Variants in PLA2G4E observed in about 807,000 individuals in gnomAD.
PLA2G4E encodes phospholipase A2 group IVE.
Under a neutral mutation model 109.1 loss-of-function variants are expected in PLA2G4E, and 84 were observed. The observed-to-expected ratio is 0.77, with a 90% CI of 0.65 to 0.92. The LOEUF is 0.92. PLA2G4E is among the 40% of genes least tolerant of loss of function. The pLI, the probability that PLA2G4E is intolerant of heterozygous loss-of-function variation, is 0.00. For missense variants in PLA2G4E, 1,057 were observed against 1,076.6 expected (o/e 0.98, Z 0.25); for synonymous variants, 469 against 436.1 (o/e 1.08, Z -0.94).
chr15:41,981,760 A>G (rs917196248), exon 20 of PLA2G4E: 1 of 152,268 alleles, frequency 6.6e-6, no homozygotes, highest in Non-Finnish European at 1.5e-5. Context: ...GTCAGAAAGA[A>G]AAGATGTCAA....
In PLA2G4E at chr15:41,984,417, G is replaced by T; in HGVS notation, c.2386+19C>A. 1 of 1,602,124 alleles carries T rather than the reference G, an allele frequency of 6.2e-7. No homozygotes were observed. The highest frequency in any genetic ancestry group is 1.3e-5 in the African/African-American group (1 of 74,910). On this transcript the variant is annotated intron_variant, in intron 19 of 19. Transcript: ENST00000399518. ...CCAAGGGCAGCAGGTGCTGGGAACT[G>T]AGCACAGAGGCAGCTCACCTGGTGC... is the stretch of plus-strand genomic sequence containing the variant.
intron 1 of PLA2G4E, among the ~76,000 whole-genome samples, chr15:42,021,561 AAG>A (rs1293694035): frequency 1.3e-5 from 2 of 152,068 alleles, no homozygotes; most frequent in African/African-American, 4.8e-5. Context: ...AGGGTGAAGA[AAG>A]AAAATAATTG....
chr15:42,029,342 C>T (rs1889075977), intron 1 of PLA2G4E, among the ~76,000 whole-genome samples: 1 of 152,178 alleles, frequency 6.6e-6, no homozygotes, highest in Non-Finnish European at 1.5e-5. Context: ...GCAATCTGCC[C>T]ACCTCAGCGT....
chr15:42,026,098 C>T (rs554821358), intron 1 of PLA2G4E, among the ~76,000 whole-genome samples: 31 of 152,216 alleles, frequency 2.0e-4, no homozygotes, highest in African/African-American at 7.2e-4. Context: ...TACAATAGAT[C>T]TCACGTTTCC....
chr15:42,000,071 C>T (rs1480908698), intron 8 of PLA2G4E, 33 bp downstream of exon 8: 14 of 1,574,466 alleles, frequency 8.9e-6, no homozygotes, highest in Non-Finnish European at 1.2e-5. Context: ...GTCCCAGTCC[C>T]CCACACCTCC....
intron 1 of PLA2G4E, among the ~76,000 whole-genome samples, chr15:42,043,984 T>G (rs188895685): frequency 6.6e-6 from 1 of 152,314 alleles, no homozygotes; most frequent in African/African-American, 2.4e-5. Flanking sequence ...TAAGTGTACT[T>G]GGACCGCAAA....
chr15:42,036,574 C>T (rs1051812247), intron 1 of PLA2G4E, among the ~76,000 whole-genome samples: 1 of 152,164 alleles, frequency 6.6e-6, no homozygotes, highest in African/African-American at 2.4e-5. Context: ...GGGTGACCGC[C>T]TAGCCTGACA....
chr15:41,988,247 C>T (rs1237843355), intron 15 of PLA2G4E, 91 bp from the exon 16 acceptor site: 6 of 884,650 alleles, frequency 6.8e-6, no homozygotes, highest in Non-Finnish European at 5.1e-6. Flanking sequence ...CCCCCCCACC[C>T]CACGCAAGCC....
chr15:42,001,594 C>T (rs1040599272), intron 6 of PLA2G4E, among the ~76,000 whole-genome samples: 1 of 152,204 alleles, frequency 6.6e-6, no homozygotes, highest in African/African-American at 2.4e-5. Flanking sequence ...TACTCCTTTG[C>T]CACACATTCC....
chr15:42,009,968 A>G (rs1347445133), intron 2 of PLA2G4E: 1 of 284,432 alleles, frequency 3.5e-6, no homozygotes, highest in Non-Finnish European at 7.2e-6. Context: ...CAACAGGTGG[A>G]CTCATCTGTC....
chr15:41,984,703 G>T, intron 18 of PLA2G4E, 84 bp from the exon 19 acceptor site: 1 of 1,269,536 alleles, frequency 7.9e-7, no homozygotes, highest in South Asian at 2.0e-5. Context: ...CCAGCTTCCT[G>T]ATTTCCCCAG....
intron 1 of PLA2G4E, among the ~76,000 whole-genome samples, chr15:42,040,660 A>T (rs1389798926): frequency 1.3e-5 from 2 of 152,256 alleles, no homozygotes; most frequent in Non-Finnish European, 1.5e-5. Context: ...AATCTCTTTC[A>T]CATAAATACT....
chr15:42,011,144 C>T (rs555546224), intron 2 of PLA2G4E, among the ~76,000 whole-genome samples: 3 of 152,260 alleles, frequency 2.0e-5, no homozygotes, highest in East Asian at 1.9e-4. Flanking sequence ...ATGAGGAAAA[C>T]GTAAGCAACA....
chr15:41,984,284 T>C (rs552871381), intron 19 of PLA2G4E, among the ~76,000 whole-genome samples, 152 bp downstream of exon 19: 8 of 152,190 alleles, frequency 5.3e-5, no homozygotes, highest in South Asian at 4.1e-4. Flanking sequence ...GGTGAGGGAA[T>C]GGGAGGCGCC....
chr15:42,002,500 C>T (rs1273039332), intron 6 of PLA2G4E, among the ~76,000 whole-genome samples, 154 bp downstream of exon 6: 1 of 152,058 alleles, frequency 6.6e-6, no homozygotes, highest in Non-Finnish European at 1.5e-5. Flanking sequence ...TGCCTGTGCC[C>T]CATTTGGCTG....
At chr15:42,044,462 C>T (rs1437252539) in intron 1 of PLA2G4E, among the ~76,000 whole-genome samples, 1 of 151,936 alleles carries the variant, frequency 6.6e-6, no homozygotes, top group Non-Finnish European at 1.5e-5. Context: ...TCAGAGAGGC[C>T]TTGGAAGCCA....
intron 5 of PLA2G4E, among the ~76,000 whole-genome samples, chr15:42,003,623 C>A (rs769004978): frequency 1.3e-5 from 2 of 152,202 alleles, no homozygotes; most frequent in Non-Finnish European, 2.9e-5. Context: ...TTTTAATTTG[C>A]CAATCAGCTG....
intron 1 of PLA2G4E, among the ~76,000 whole-genome samples, chr15:42,032,916 G>A (rs772027094): frequency 1.3e-5 from 2 of 152,188 alleles, no homozygotes; most frequent in Non-Finnish European, 2.9e-5. Flanking sequence ...GTTCTTGGCA[G>A]GATCCAGGGC....
Position 41,998,470 on chromosome 15 carries a change from G to A in PLA2G4E, c.974+1054C>T, listed in dbSNP as rs576599345. On this transcript the variant is annotated intron_variant, in intron 10 of 19. Transcript: ENST00000399518. ...ACAGGATCCTTGTTATTCTCCCAAT[G>A]TACAGATGAGGAAAACAGAGACTCA... 2.6e-5 allele frequency: 4 copies of A among 152,282 alleles called. No individual in the cohort carries two copies. In the East Asian group the frequency reaches 7.7e-4, roughly 29 times the overall value. 9.4% of individuals were successfully genotyped at this position (152,282 alleles called of 1,614,324 possible). A position where few individuals can be genotyped will look rare whatever the true frequency, so the allele number is the denominator to read the frequency against.
Sources: gnomAD v4.1 joint callset for allele counts (sites outside exome capture counted in the v4.1 genomes callset) on GRCh38, gnomAD v4.1.1 for gene constraint, MANE v1.5 for transcripts, NCBI Gene and HGNC (gene_info 2026-07-23, HGNC 2026-07-21) for gene names.